Variants in LSM14A observed in about 807,000 individuals in gnomAD.
LSM14A encodes the protein LSM14A mRNA processing body assembly factor.
Under a neutral mutation model 52.4 loss-of-function variants are expected in LSM14A, and 14 were observed. That is an observed-to-expected ratio of 0.27 (90% CI 0.18 to 0.42). The LOEUF (loss-of-function observed/expected upper bound fraction) is 0.42, where lower values mean the gene tolerates loss of function less well. Among genes scored for constraint, LSM14A ranks in the 10% least tolerant of loss-of-function variants. The pLI is 1.00. For synonymous variants in LSM14A, 185 were observed against 200.3 expected (o/e 0.92, Z 0.64); for missense variants, 417 against 581.8 (o/e 0.72, Z 2.91).
rs377462706 is a variant in LSM14A at position 34,221,686 on chromosome 19, G to A, written c.1316G>A (p.Gly439Asp). 6.2e-7 allele frequency: 1 copy of A among 1,614,062 alleles called. No individual in the cohort carries two copies. The highest frequency in any genetic ancestry group is 8.5e-7 in the Non-Finnish European group (1 of 1,180,052). ...TTCACTGCCCCTCGAGGATTTCGCG[G>A]TGGATTCAGAGGAGGTCGTGGGGGC... Reference protein sequence around the residue: ...GTFTAPRGFRGGFRGGRGGRE... With the variant: ...GTFTAPRGFRDGFRGGRGGRE... Residue 439 changes from glycine (G) to aspartate (D), a missense_variant, in exon 9 of 10, where the codon GGT becomes GAT. Transcript: ENST00000544216.
At chr19:34,180,754 C>T (rs1177295869) in intron 1 of LSM14A, among the ~76,000 whole-genome samples, 3 of 152,162 alleles carry the variant, frequency 2.0e-5, no homozygotes, top group African/African-American at 4.8e-5. Context: ...CACCCCATTC[C>T]CCTCTTGCTG....
chr19:34,220,711 A>C (rs1428538354), intron 8 of LSM14A, among the ~76,000 whole-genome samples: 3 of 152,298 alleles, frequency 2.0e-5, no homozygotes, highest in Admixed American at 2.0e-4. Flanking sequence ...CATAATTCTG[A>C]GTCCCACGAT....
intron 1 of LSM14A, among the ~76,000 whole-genome samples, chr19:34,194,028 C>A (rs1057015072): frequency 6.6e-6 from 1 of 152,090 alleles, no homozygotes; most frequent in Non-Finnish European, 1.5e-5. Context: ...AAAAAGTTAG[C>A]TGGGCTTAGT....
chr19:34,175,527 C>A (rs568930016), intron 1 of LSM14A, among the ~76,000 whole-genome samples: 1 of 152,152 alleles, frequency 6.6e-6, no homozygotes, highest in Non-Finnish European at 1.5e-5. Flanking sequence ...CCACCGCACC[C>A]GGCTGCTTTT....
At chr19:34,190,382 A>G (rs1208939224) in intron 1 of LSM14A, among the ~76,000 whole-genome samples, 1 of 152,016 alleles carries the variant, frequency 6.6e-6, no homozygotes, top group Non-Finnish European at 1.5e-5. Context: ...AGTTTGCTTC[A>G]TTTGCCATAT....
intron 3 of LSM14A, among the ~76,000 whole-genome samples, chr19:34,204,669 G>A (rs2071549352): frequency 6.6e-6 from 1 of 152,106 alleles, no homozygotes; most frequent in Non-Finnish European, 1.5e-5. Flanking sequence ...AGTGAGCTGT[G>A]ATTCTGCTGC....
chr19:34,226,529 T>C, intron 9 of LSM14A: 1 of 1,319,554 alleles, frequency 7.6e-7, no homozygotes, highest in Non-Finnish European at 1.0e-6. Flanking sequence ...AGGTTCATCT[T>C]GTAGCTCATT....
At chr19:34,192,934 G>A (rs1317215359) in intron 1 of LSM14A, among the ~76,000 whole-genome samples, 1 of 151,814 alleles carries the variant, frequency 6.6e-6, no homozygotes, top group African/African-American at 2.4e-5. Flanking sequence ...AGCCAAGATT[G>A]CGTCACTGCA....
intron 1 of LSM14A, among the ~76,000 whole-genome samples, chr19:34,194,148 A>T (rs1334845848): frequency 2.0e-5 from 3 of 152,176 alleles, no homozygotes; most frequent in Non-Finnish European, 4.4e-5. Flanking sequence ...ACTCCAGCCT[A>T]GGGGACAGAG....
In LSM14A at chr19:34,227,433, TG is replaced by T; in HGVS notation, c.*47del. On this transcript the variant is annotated 3_prime_UTR_variant, in exon 10 of 10. Transcript: ENST00000544216. ...AAATAGGTGAATTTCTAGCTCTTCA[TG>T]GTCCTGAACATTGATTTCAGTCTTT... 1.4e-6 allele frequency: 2 copies of T among 1,473,220 alleles called. No homozygotes were observed. Among genetic ancestry groups the T allele is most frequent in the Non-Finnish European group, 1.9e-6 (2 of 1,071,490 alleles). The allele number at this position is 1,473,220 out of a possible 1,614,324, so 91.3% of individuals were successfully genotyped here.
chr19:34,213,496 C>T (rs2072324030), intron 4 of LSM14A, among the ~76,000 whole-genome samples: 2 of 152,150 alleles, frequency 1.3e-5, no homozygotes, highest in South Asian at 4.1e-4. Context: ...CAGCACTCAC[C>T]AGTTGTTTGA....
chr19:34,183,020 G>A (rs530027078), intron 1 of LSM14A, among the ~76,000 whole-genome samples: 22 of 151,654 alleles, frequency 1.5e-4, no homozygotes, highest in South Asian at 2.1e-4. Flanking sequence ...TCATGGATGC[G>A]TTTATCCTCC....
intron 8 of LSM14A, 72 bp from the exon 9 acceptor site, chr19:34,221,435 A>C: frequency 6.8e-7 from 1 of 1,473,914 alleles, no homozygotes. Flanking sequence ...ATTTGGGAGT[A>C]GCACTGCATA....
chr19:34,206,476 A>G (rs926516848), intron 3 of LSM14A, among the ~76,000 whole-genome samples: 1 of 151,812 alleles, frequency 6.6e-6, no homozygotes, highest in African/African-American at 2.4e-5. Flanking sequence ...AGACCAGCCC[A>G]GCCAACATGG....
At chr19:34,190,420 T>C (rs2070279543) in intron 1 of LSM14A, among the ~76,000 whole-genome samples, 1 of 152,118 alleles carries the variant, frequency 6.6e-6, no homozygotes, top group Admixed American at 6.5e-5. Flanking sequence ...GACCATATTT[T>C]GGAAAGTATG....
intron 1 of LSM14A, among the ~76,000 whole-genome samples, chr19:34,184,314 A>G (rs575001734): frequency 1.3e-5 from 2 of 152,220 alleles, no homozygotes; most frequent in Admixed American, 1.3e-4. Context: ...CGGCCTTCCA[A>G]AGTGCTGGAA....
chr19:34,224,480 G>A (rs946419653), intron 9 of LSM14A, among the ~76,000 whole-genome samples: 1 of 152,186 alleles, frequency 6.6e-6, no homozygotes, highest in Admixed American at 6.5e-5. Context: ...AATTGAAAAT[G>A]CATTGTCATA....
chr19:34,173,432 G>A lies in LSM14A; in HGVS notation c.121+669G>A, dbSNP rs541604492. On this transcript the variant is annotated intron_variant, in intron 1 of 9. Transcript: ENST00000544216. ...CTGCTGCCCCGACGCCCCTGTTTCT[G>A]GAAACGGGTTCAAGCTTGATCCAGG... Among the ~76,000 whole-genome samples the A allele has an allele frequency of 9.2e-5, 14 of 152,272 alleles. No individual in the cohort carries two copies. The South Asian group carries it at 2.7e-3, about 29-fold the overall frequency.
chr19:34,186,962 G>A (rs963218264), intron 1 of LSM14A, among the ~76,000 whole-genome samples: 2 of 151,696 alleles, frequency 1.3e-5, no homozygotes, highest in African/African-American at 2.4e-5. Flanking sequence ...AGTTCAGGCC[G>A]GGTGTGGTGG....
Sources: allele counts gnomAD v4.1 joint callset (sites outside exome capture counted in the v4.1 genomes callset), GRCh38; gene constraint gnomAD v4.1.1; transcripts MANE v1.5; gene names NCBI Gene and HGNC (gene_info 2026-07-23, HGNC 2026-07-21).